The following LYRM4 variants were observed in gnomAD, a reference collection of about 807,000 sequenced individuals.
The protein encoded by LYRM4 is LYR motif-containing protein 4.
LYRM4 carries 9 observed loss-of-function variants against 11.7 expected under a neutral mutation model. That is an observed-to-expected ratio of 0.77 (90% CI 0.46 to 1.34). LYRM4 has a LOEUF of 1.34. Among genes scored for constraint, LYRM4 ranks in the 40% most tolerant of loss-of-function variants. The pLI, the probability that LYRM4 is intolerant of heterozygous loss-of-function variation, is 0.00. For missense variants in LYRM4, 133 were observed against 112.5 expected, an observed-to-expected ratio of 1.18 and a Z score of -0.82; for synonymous variants, 42 against 40.4, an observed-to-expected ratio of 1.04 and a Z score of -0.15.
At chr6:5,077,067 G>T in the LYRM4 span, among the ~76,000 whole-genome samples, 1 of 152,156 alleles carries the variant, frequency 6.6e-6, no homozygotes, top group African/African-American at 2.4e-5. Flanking sequence ...CCCGTCCTAG[G>T]CCGGGGTGCT....
At chr6:5,130,161 A>G (rs458283) in intron 2 of LYRM4, among the ~76,000 whole-genome samples, 142,331 of 152,296 alleles carry the variant, frequency 0.93, 66,618 homozygotes, top group African/African-American at 0.98. Flanking sequence ...TGGGGGAGAC[A>G]CTGGTGTGAG....
the LYRM4 span, among the ~76,000 whole-genome samples, chr6:5,049,610 A>T: frequency 3.3e-5 from 5 of 152,072 alleles, no homozygotes; most frequent in Non-Finnish European, 5.9e-5. Flanking sequence ...ATAACAGTAC[A>T]TAGCCTCCTT....
chr6:5,158,932 G>C (rs1312622899), intron 2 of LYRM4, among the ~76,000 whole-genome samples: 1 of 150,384 alleles, frequency 6.6e-6, no homozygotes, highest in East Asian at 1.9e-4. Flanking sequence ...GTTCATAATT[G>C]GACTGAAATG....
chr6:5,136,812 T>C, intron 2 of LYRM4: 1 of 985,434 alleles, frequency 1.0e-6, no homozygotes, highest in Non-Finnish European at 1.2e-6. Flanking sequence ...AACTCTGGTC[T>C]CTTCCTGATG....
chr6:5,220,395 T>C (rs1762516034), intron 1 of LYRM4, among the ~76,000 whole-genome samples: 1 of 152,196 alleles, frequency 6.6e-6, no homozygotes, highest in Non-Finnish European at 1.5e-5. Context: ...CAAGTGCTGG[T>C]TTCTCTGTGT....
the LYRM4 span, among the ~76,000 whole-genome samples, chr6:5,044,170 C>T: frequency 6.6e-6 from 1 of 151,782 alleles, no homozygotes; most frequent in African/African-American, 2.4e-5. Flanking sequence ...CTCTTGTCTC[C>T]CAGGCTGGAG....
At chr6:5,247,366 G>C (rs1459148911) in intron 1 of LYRM4, among the ~76,000 whole-genome samples, 1 of 152,204 alleles carries the variant, frequency 6.6e-6, no homozygotes, top group African/African-American at 2.4e-5. Flanking sequence ...ACTGGACTAA[G>C]ACAGGAGAAT....
rs1274847986 is a variant in LYRM4, at chr6:5,109,389, C to A, written c.*34G>T. 6.2e-7 allele frequency: 1 copy of A among 1,613,386 alleles called. No homozygotes were observed. Among genetic ancestry groups the A allele is most frequent in the Non-Finnish European group, 8.5e-7 (1 of 1,179,568 alleles). ...ACAGAGAGTGGATGCTGAAGGTGGT[C>A]CCTGGCCGCCACTGGTGGCTGGTCC... On this transcript the variant is annotated 3_prime_UTR_variant, in exon 3 of 3. Transcript: ENST00000330636.
chr6:5,160,563 T>C (rs1758694979), intron 2 of LYRM4, among the ~76,000 whole-genome samples: 1 of 152,150 alleles, frequency 6.6e-6, no homozygotes, highest in Admixed American at 6.5e-5. Context: ...GGCTGTTTTT[T>C]AAAGGAGTTC....
At chr6:5,135,920 C>T (rs1757069552) in intron 2 of LYRM4, among the ~76,000 whole-genome samples, 1 of 152,216 alleles carries the variant, frequency 6.6e-6, no homozygotes, top group South Asian at 2.1e-4. Context: ...TCCATTCTCC[C>T]TCCCCTCCAG....
At chr6:5,238,148 AC>A (rs915408839) in intron 1 of LYRM4, among the ~76,000 whole-genome samples, 25 of 152,076 alleles carry the variant, frequency 1.6e-4, no homozygotes, top group Admixed American at 3.3e-4. Context: ...TACTTAACAC[AC>A]CCACAAACAA....
chr6:5,239,495 G>C (rs569427832), intron 1 of LYRM4, among the ~76,000 whole-genome samples: 1 of 152,192 alleles, frequency 6.6e-6, no homozygotes, highest in East Asian at 1.9e-4. Context: ...GGCATCTAGG[G>C]AGGGTGTGGG....
At chr6:5,169,631 C>A (rs932990549) in intron 2 of LYRM4, among the ~76,000 whole-genome samples, 2 of 152,154 alleles carry the variant, frequency 1.3e-5, no homozygotes, top group Non-Finnish European at 2.9e-5. Flanking sequence ...TACATATACA[C>A]CATACACATT....
At chr6:5,086,295 G>A in the LYRM4 span, 4 of 1,535,492 alleles carry the variant, frequency 2.6e-6, no homozygotes, top group African/African-American at 2.7e-5. Context: ...TGCAGCCCGA[G>A]CCGCTGGAGC....
chr6:5,074,780 T>C, the LYRM4 span, among the ~76,000 whole-genome samples: 1 of 152,056 alleles, frequency 6.6e-6, no homozygotes, highest in Non-Finnish European at 1.5e-5. Context: ...ATATACACGT[T>C]GATGGTGGTG....
chr6:5,081,279 A>C, the LYRM4 span, among the ~76,000 whole-genome samples: 19 of 152,104 alleles, frequency 1.2e-4, no homozygotes, highest in Non-Finnish European at 1.5e-5. Context: ...CTTAGGGGAC[A>C]GTGAGCTTGG....
At chr6:5,160,162 G>A (rs1478764629) in intron 2 of LYRM4, among the ~76,000 whole-genome samples, 11 of 152,150 alleles carry the variant, frequency 7.2e-5, no homozygotes, top group Admixed American at 7.2e-4. Flanking sequence ...ATTTGTGTGT[G>A]TACCATTCCC....
intron 2 of LYRM4, among the ~76,000 whole-genome samples, chr6:5,175,412 T>A (rs1395354851): frequency 6.6e-6 from 1 of 152,132 alleles, no homozygotes; most frequent in Non-Finnish European, 1.5e-5. Context: ...GCCAGCCTCA[T>A]CCTTCACTTT....
At chr6:5,109,857 C>T (rs992068035) in intron 2 of LYRM4, among the ~76,000 whole-genome samples, 7 of 152,218 alleles carry the variant, frequency 4.6e-5, no homozygotes, top group African/African-American at 7.2e-5. Context: ...AACTGATTCT[C>T]GCATAGGGAA....
Sources: allele counts gnomAD v4.1 joint callset (sites outside exome capture counted in the v4.1 genomes callset), GRCh38; gene constraint gnomAD v4.1.1; transcripts MANE v1.5; gene names NCBI Gene and HGNC (gene_info 2026-07-23, HGNC 2026-07-21).